SIPA1L1: variants seen among roughly 807,000 people sequenced by gnomAD.
SIPA1L1 encodes signal-induced proliferation-associated 1-like protein 1.
SIPA1L1 carries 26 observed loss-of-function variants against 162.7 expected under a neutral mutation model. That is an observed-to-expected ratio of 0.16 (90% CI 0.12 to 0.22). The LOEUF (loss-of-function observed/expected upper bound fraction) is 0.22, where lower values mean the gene tolerates loss of function less well. Among genes scored for constraint, SIPA1L1 ranks in the 10% least tolerant of loss-of-function variants. SIPA1L1 has a pLI of 1.00. For missense variants in SIPA1L1, 1,874 were observed against 2,241.0 expected (o/e 0.84, Z 3.31); for synonymous variants, 829 against 837.4 (o/e 0.99, Z 0.17).
At chr14:71,487,291 C>CT (rs1175940397) in intron 2 of SIPA1L1, among the ~76,000 whole-genome samples, 1 of 152,168 alleles carries the variant, frequency 6.6e-6, no homozygotes, top group Non-Finnish European at 1.5e-5. Flanking sequence ...GGTGTTCCTA[C>CT]TGAATGTTCC....
At position 71,493,767 on chromosome 14, in the gene SIPA1L1, G is replaced by C. The variant is rs547154761; in HGVS notation, c.-464-18976G>C. ...ATTCAAATGGATTAAGAAAATTAAC[G>C]TGTGTTTATATTTGGAAAACGTCAG... On this transcript the variant is annotated intron_variant, in intron 2 of 23. Coordinates refer to ENST00000381232, the MANE Select transcript of SIPA1L1 (RefSeq NM_001386936.1). Among the ~76,000 whole-genome samples the C allele has an allele frequency of 1.2e-4, 19 of 152,220 alleles. 1 individual carries two copies. The South Asian group carries it at 3.3e-3, about 27-fold the overall frequency.
chr14:71,697,197 G>T (rs1228733458), intron 13 of SIPA1L1, among the ~76,000 whole-genome samples: 1 of 152,154 alleles, frequency 6.6e-6, no homozygotes, highest in East Asian at 1.9e-4. Context: ...CCTGGAAGTT[G>T]AGAGACCTGT....
intron 2 of SIPA1L1, among the ~76,000 whole-genome samples, chr14:71,444,889 ATAGGGAGC>A (rs1164335365): frequency 1.4e-4 from 21 of 152,160 alleles, no homozygotes; most frequent in Non-Finnish European, 2.5e-4. Context: ...TAAAGCCTGT[ATAGGGAGC>A]TACTAGCTAG....
At chr14:71,494,508 ATTTTC>A (rs1305303070) in intron 2 of SIPA1L1, among the ~76,000 whole-genome samples, 1 of 138,990 alleles carries the variant, frequency 7.2e-6, no homozygotes, top group South Asian at 2.2e-4. Context: ...TCTAATTGAG[ATTTTC>A]TTTTCTTTTC....
intron 2 of SIPA1L1, among the ~76,000 whole-genome samples, chr14:71,329,406 A>G (rs566199193): frequency 3.5e-4 from 53 of 151,252 alleles, no homozygotes; most frequent in African/African-American, 9.2e-4. Context: ...CATCCTTACC[A>G]ATACTTATTT....
At chr14:71,469,819 TA>T (rs1186549694) in intron 2 of SIPA1L1, among the ~76,000 whole-genome samples, 1 of 152,152 alleles carries the variant, frequency 6.6e-6, no homozygotes, top group Admixed American at 6.5e-5. Flanking sequence ...TTGTTTCCAA[TA>T]AAAACAAACA....
At chr14:71,437,899 A>G (rs906098092) in intron 2 of SIPA1L1, among the ~76,000 whole-genome samples, 1 of 152,222 alleles carries the variant, frequency 6.6e-6, no homozygotes, top group Non-Finnish European at 1.5e-5. Context: ...GGAAGTATCT[A>G]TTGAAATTTA....
chr14:71,396,892 C>T (rs916925389), intron 2 of SIPA1L1, among the ~76,000 whole-genome samples: 1 of 152,120 alleles, frequency 6.6e-6, no homozygotes, highest in Non-Finnish European at 1.5e-5. Context: ...TATGGAGAAT[C>T]TTGAGTTAGT....
chr14:71,339,365 TC>T (rs1259731540), intron 2 of SIPA1L1, among the ~76,000 whole-genome samples: 1 of 111,778 alleles, frequency 8.9e-6, no homozygotes, highest in Non-Finnish European at 1.8e-5. Flanking sequence ...TTTCTTTCTT[TC>T]TTTTTTTTTT....
intron 2 of SIPA1L1, among the ~76,000 whole-genome samples, chr14:71,468,708 A>C (rs2047219128): frequency 6.6e-6 from 1 of 152,184 alleles, no homozygotes; most frequent in South Asian, 2.1e-4. Context: ...CAATTCAAAG[A>C]ATTATAGCAA....
rs976607582 is a variant in SIPA1L1, at chr14:71,614,889, A to G, written c.1499-3868A>G. On this transcript the variant is annotated intron_variant, in intron 5 of 23. Transcript: ENST00000381232. ...ACAATTTGTATTTTGTCTACCAGTA[A>G]TACTAAAATGATTGTTTAATATTTT... Among the ~76,000 whole-genome samples, 19 of 152,256 alleles carry G rather than the reference A, an allele frequency of 1.2e-4. 1 individual carries two copies. Among genetic ancestry groups the G allele is most frequent in the South Asian group, 6.2e-4 (3 of 4,830 alleles).
chr14:71,421,614 A>C (rs987054393), intron 2 of SIPA1L1, among the ~76,000 whole-genome samples: 10 of 152,162 alleles, frequency 6.6e-5, no homozygotes, highest in African/African-American at 2.4e-4. Context: ...TTATAAAATA[A>C]AATAATAAAA....
intron 17 of SIPA1L1, among the ~76,000 whole-genome samples, chr14:71,717,455 A>G (rs2083360647): frequency 6.6e-6 from 1 of 152,196 alleles, no homozygotes; most frequent in African/African-American, 2.4e-5. Context: ...TATTGCAGTT[A>G]TTATTTCCTG....
In SIPA1L1 at chr14:71,589,070, A is replaced by G; in HGVS notation, c.1198A>G (p.Met400Val). The G allele has an allele frequency of 6.2e-7, 1 of 1,614,166 alleles. No homozygotes were observed. The highest frequency in any genetic ancestry group is 8.5e-7 in the Non-Finnish European group (1 of 1,180,002). The change falls in exon 5 of 24, where the codon ATG (methionine) becomes GTG (valine). Residue 400 changes from methionine to valine, a missense_variant. Coordinates refer to ENST00000381232, the MANE Select transcript of SIPA1L1 (RefSeq NM_001386936.1). Reference sequence around the variant, plus strand: ...CCTGAATTCCAAAGGAAGCCTCAGCATGGACCAGGGAGATGATAAAAGCAA... The same window carrying G: ...CCTGAATTCCAAAGGAAGCCTCAGCGTGGACCAGGGAGATGATAAAAGCAA... Reference protein sequence around the residue: ...EDLNSKGSLSMDQGDDKSNEL... With the variant: ...EDLNSKGSLSVDQGDDKSNEL...
chr14:71,531,189 T>A (rs1236869695), intron 4 of SIPA1L1, among the ~76,000 whole-genome samples: 3 of 152,216 alleles, frequency 2.0e-5, no homozygotes, highest in East Asian at 3.8e-4. Context: ...TCAGAGTGTG[T>A]TGGTTGCTGT....
At chr14:71,632,734 G>C (rs980030157) in intron 7 of SIPA1L1, among the ~76,000 whole-genome samples, 2 of 152,308 alleles carry the variant, frequency 1.3e-5, no homozygotes, top group South Asian at 4.1e-4. Context: ...GCAGTATCAG[G>C]AGAGACTCAG....
intron 2 of SIPA1L1, among the ~76,000 whole-genome samples, chr14:71,423,015 A>G (rs887286581): frequency 1.3e-5 from 2 of 152,190 alleles, no homozygotes; most frequent in Admixed American, 6.5e-5. Flanking sequence ...GATAGTTGCC[A>G]TTGTAATGGG....
At chr14:71,361,023 T>C (rs2037760790) in intron 2 of SIPA1L1, among the ~76,000 whole-genome samples, 1 of 152,190 alleles carries the variant, frequency 6.6e-6, no homozygotes, top group Admixed American at 6.5e-5. Context: ...ATATATATTT[T>C]TTTTTCCTGA....
chr14:71,690,967 C>T (rs2149656706), intron 13 of SIPA1L1, among the ~76,000 whole-genome samples: 1 of 152,338 alleles, frequency 6.6e-6, no homozygotes, highest in Middle Eastern at 3.4e-3. Context: ...CTCCTTCTGC[C>T]TCTTCCGTCT....
Sources: allele counts gnomAD v4.1 joint callset (sites outside exome capture counted in the v4.1 genomes callset), GRCh38; gene constraint gnomAD v4.1.1; transcripts MANE v1.5; gene names NCBI Gene and HGNC (gene_info 2026-07-23, HGNC 2026-07-21).